Variants in CDYL observed in about 807,000 individuals in gnomAD.
CDYL encodes the protein chromodomain Y-like protein.
In CDYL, 8 loss-of-function variants were observed where a neutral mutation model predicts 47.3. The observed-to-expected ratio is 0.17, with a 90% confidence interval of 0.10 to 0.31. The LOEUF (loss-of-function observed/expected upper bound fraction) is 0.31. Ranked by LOEUF, CDYL falls within the 10% of genes least tolerant of loss-of-function variation. The pLI, the probability that CDYL is intolerant of heterozygous loss-of-function variation, is 1.00. For synonymous variants in CDYL, 266 were observed against 265.0 expected (o/e 1.00, Z -0.04); for missense variants, 471 against 701.4 (o/e 0.67, Z 3.71).
intron 1 of CDYL, among the ~76,000 whole-genome samples, chr6:4,820,743 T>C (rs1759810693): frequency 1.3e-5 from 2 of 152,198 alleles, no homozygotes; most frequent in South Asian, 4.1e-4. Flanking sequence ...TTGGAAGTGA[T>C]GCCCACAAGA....
At chr6:4,946,745 G>A (rs2127526694) in intron 5 of CDYL, among the ~76,000 whole-genome samples, 1 of 152,206 alleles carries the variant, frequency 6.6e-6, no homozygotes, top group South Asian at 2.1e-4. Flanking sequence ...CCGTGGTCGG[G>A]CGCTTTGCCT....
intron 3 of CDYL, among the ~76,000 whole-genome samples, chr6:4,742,781 T>C (rs1447619788): frequency 6.6e-6 from 1 of 152,224 alleles, no homozygotes; most frequent in African/African-American, 2.4e-5. Context: ...GGTTTTTCCT[T>C]GTCAGTTTTC....
At chr6:4,757,289 A>G (rs1248045773) in intron 3 of CDYL, among the ~76,000 whole-genome samples, 2 of 152,226 alleles carry the variant, frequency 1.3e-5, no homozygotes, top group African/African-American at 2.4e-5. Flanking sequence ...GTATTTTGCA[A>G]TTATGACTCT....
At chr6:4,779,818 A>G (rs1758562354) in intron 1 of CDYL, among the ~76,000 whole-genome samples, 1 of 152,160 alleles carries the variant, frequency 6.6e-6, no homozygotes, top group Non-Finnish European at 1.5e-5. Flanking sequence ...TGTTGCAACC[A>G]CTCAGCTCAC....
At chr6:4,837,209 C>T (rs937338540) in intron 1 of CDYL, among the ~76,000 whole-genome samples, 1 of 152,182 alleles carries the variant, frequency 6.6e-6, no homozygotes, top group Non-Finnish European at 1.5e-5. Flanking sequence ...TGTGTACATT[C>T]CTCACAGTGT....
At chr6:4,892,424 G>A (rs1762077112) in intron 2 of CDYL, 45 bp downstream of exon 2, 1 of 1,534,442 alleles carries the variant, frequency 6.5e-7, no homozygotes, top group South Asian at 1.3e-5. Flanking sequence ...GATCCCAGAG[G>A]GCTCGGGTCC....
intron 1 of CDYL, among the ~76,000 whole-genome samples, chr6:4,810,094 G>A (rs555901154): frequency 7.3e-4 from 111 of 152,100 alleles, no homozygotes; most frequent in Non-Finnish European, 1.2e-3. Flanking sequence ...CTCCCCGTTG[G>A]CTTTTGACTT....
intron 1 of CDYL, among the ~76,000 whole-genome samples, chr6:4,882,922 C>T (rs1041354265): frequency 1.3e-5 from 2 of 152,088 alleles, no homozygotes; most frequent in Non-Finnish European, 2.9e-5. Flanking sequence ...ACATTCTTGC[C>T]GTCCACTCCA....
chr6:4,923,030 T>C (rs1247523263), intron 2 of CDYL, among the ~76,000 whole-genome samples: 2 of 152,248 alleles, frequency 1.3e-5, no homozygotes, highest in African/African-American at 4.8e-5. Flanking sequence ...ATGTGCAATA[T>C]GTAATGACCA....
At chr6:4,904,688 C>A (rs542646791) in intron 2 of CDYL, among the ~76,000 whole-genome samples, 1 of 152,248 alleles carries the variant, frequency 6.6e-6, no homozygotes, top group South Asian at 2.1e-4. Context: ...GCCCAGTTAC[C>A]TCAGTCATAG....
chr6:4,940,210 T>C (rs532686510), intron 4 of CDYL, among the ~76,000 whole-genome samples: 75 of 152,370 alleles, frequency 4.9e-4, no homozygotes, highest in Non-Finnish European at 1.5e-4. Flanking sequence ...TTGATATTCT[T>C]GTGAAGAGCC....
chr6:4,793,627 G>T (rs1382967324), intron 1 of CDYL, among the ~76,000 whole-genome samples: 1 of 152,204 alleles, frequency 6.6e-6, no homozygotes, highest in African/African-American at 2.4e-5. Flanking sequence ...TGGGCAACTG[G>T]AGGGAGACTT....
intron 3 of CDYL, among the ~76,000 whole-genome samples, chr6:4,737,021 G>A (rs1012586585): frequency 6.6e-6 from 1 of 152,084 alleles, no homozygotes. Flanking sequence ...ATTGATACCC[G>A]AGAAACTGCT....
rs145975743 is a variant in CDYL at position 4,719,706 on chromosome 6, G to A, written c.103+3825G>A. Reference sequence around the variant, plus strand: ...TTCAAAGTCAACCATTAGCACCCAGGATGAGTCATTTTGAATTAGAATCAG... The same window carrying A: ...TTCAAAGTCAACCATTAGCACCCAGAATGAGTCATTTTGAATTAGAATCAG... On this transcript the variant is annotated intron_variant, in intron 2 of 8. Coordinates refer to the CDYL transcript ENST00000328908. 7.7e-4 allele frequency among the ~76,000 whole-genome samples: 117 copies of A among 152,248 alleles called. 1 individual carries two copies. In the South Asian group the frequency reaches 0.017, roughly 22 times the overall value.
upstream of CDYL, chr6:4,772,908 C>A: frequency 2.9e-6 from 1 of 348,538 alleles, no homozygotes; most frequent in Non-Finnish European, 5.6e-6. Context: ...TCCCATCCCC[C>A]ATCTCCCCTT....
chr6:4,738,867 T>G (rs1392213801), intron 3 of CDYL, among the ~76,000 whole-genome samples: 1 of 152,196 alleles, frequency 6.6e-6, no homozygotes, highest in Non-Finnish European at 1.5e-5. Context: ...CAAGGAATTA[T>G]TAAAAACAAT....
intron 1 of CDYL, among the ~76,000 whole-genome samples, chr6:4,794,952 A>G (rs963698421): frequency 5.3e-5 from 8 of 152,038 alleles, no homozygotes; most frequent in African/African-American, 1.7e-4. Context: ...TCTTGTGCAA[A>G]TAGGGATAGT....
intron 1 of CDYL, among the ~76,000 whole-genome samples, chr6:4,708,853 T>C (rs926657877): frequency 2.8e-4 from 42 of 151,994 alleles, no homozygotes; most frequent in African/African-American, 9.9e-4. Flanking sequence ...ATCCCATCTC[T>C]ATTAAAAATA....
intron 1 of CDYL, among the ~76,000 whole-genome samples, chr6:4,889,206 A>G (rs1761973361): frequency 6.6e-6 from 1 of 152,078 alleles, no homozygotes; most frequent in Non-Finnish European, 1.5e-5. Flanking sequence ...GTTAACTCAA[A>G]GAATGGTTTT....
Sources: allele counts gnomAD v4.1 joint callset (sites outside exome capture counted in the v4.1 genomes callset), GRCh38; gene constraint gnomAD v4.1.1; transcripts MANE v1.5; gene names NCBI Gene and HGNC (gene_info 2026-07-23, HGNC 2026-07-21).